Variants in PAK5 observed in about 807,000 individuals in gnomAD.
PAK5 encodes the protein p21 (RAC1) activated kinase 5, also known as serine/threonine-protein kinase PAK 5.
A neutral mutation model predicts 65.9 loss-of-function variants in PAK5; 16 were observed. That is an observed-to-expected ratio of 0.24 (90% confidence interval 0.16 to 0.37). The LOEUF is 0.37. Among genes scored for constraint, PAK5 ranks in the 10% least tolerant of loss-of-function variants. The pLI is 1.00. For synonymous variants in PAK5, 371 were observed against 354.9 expected, an observed-to-expected ratio of 1.05 and a Z score of -0.51; for missense variants, 785 against 903.9, an observed-to-expected ratio of 0.87 and a Z score of 1.69.
At chr20:9,762,187 T>C (rs923855566) in intron 1 of PAK5, among the ~76,000 whole-genome samples, 33 of 152,166 alleles carry the variant, frequency 2.2e-4, no homozygotes, top group Non-Finnish European at 5.9e-5. Context: ...AAAAAATTCT[T>C]TGACATTGGT....
At chr20:9,649,915 T>TA (rs925870672) in intron 2 of PAK5, among the ~76,000 whole-genome samples, 5 of 150,986 alleles carry the variant, frequency 3.3e-5, no homozygotes, top group African/African-American at 7.3e-5. Context: ...CTACAGGAGT[T>TA]AAAAAAAAAT....
At chr20:9,621,153 A>C (rs1386008110) in intron 3 of PAK5, among the ~76,000 whole-genome samples, 1 of 152,098 alleles carries the variant, frequency 6.6e-6, no homozygotes, top group East Asian at 1.9e-4. Context: ...TTGAAGGAGA[A>C]GATGGTCACT....
chr20:9,575,594 C>T (rs2045872232), intron 4 of PAK5: 1 of 152,128 alleles, frequency 6.6e-6, no homozygotes. Flanking sequence ...CCCATAGTTC[C>T]AGCTTTTACC....
At position 9,566,239 on chromosome 20, in the gene PAK5, T is replaced by C. The variant is rs2045677451; in HGVS notation, c.1136A>G (p.Lys379Arg). 3 of 1,613,650 alleles carry C rather than the reference T, an allele frequency of 1.9e-6. No homozygotes were observed. Among genetic ancestry groups the C allele is most frequent in the South Asian group, 1.1e-5 (1 of 91,060 alleles). The stretch of plus-strand genomic sequence containing the variant: ...GGAGGGGTGATGGTACAAGGTGGCT[T>C]TGTGGTACCCAGACGGGTACTGGTG... ...SSHQYPSGYH[K>R]ATLYHHPSLQ... The change falls in exon 5 of 10, where the codon AAA (lysine) becomes AGA (arginine). Residue 379 changes from lysine (K) to arginine (R), a missense_variant. Around this residue, in one of 4 missense-constraint regions of PAK5, gnomAD observed 422 missense variants for 413.3 expected, o/e 1.02. Coordinates refer to ENST00000353224, the MANE Select transcript of PAK5 (RefSeq NM_177990.4).
intron 3 of PAK5, among the ~76,000 whole-genome samples, chr20:9,640,758 C>T (rs979464532): frequency 1.3e-4 from 20 of 152,122 alleles, no homozygotes; most frequent in African/African-American, 3.1e-4. Context: ...CAGACCTTCA[C>T]GGTGAGTGTT....
chr20:9,733,643 C>T (rs192815175), intron 1 of PAK5, among the ~76,000 whole-genome samples: 223 of 152,208 alleles, frequency 1.5e-3, no homozygotes, highest in African/African-American at 3.9e-3. Flanking sequence ...CTGGGTTTCA[C>T]CATATTGGCC....
At chr20:9,716,334 C>T (rs1257455904) in intron 1 of PAK5, among the ~76,000 whole-genome samples, 1 of 152,136 alleles carries the variant, frequency 6.6e-6, no homozygotes, top group African/African-American at 2.4e-5. Context: ...TTCTTTTCTG[C>T]ATCTTTTGAT....
At chr20:9,668,962 C>A (rs1223706962) in intron 2 of PAK5, among the ~76,000 whole-genome samples, 1 of 152,192 alleles carries the variant, frequency 6.6e-6, no homozygotes, top group Middle Eastern at 3.2e-3. Context: ...TTCGAGAGAT[C>A]TTTTCCTTGG....
chr20:9,541,062 AT>A (rs1276008452), intron 9 of PAK5, among the ~76,000 whole-genome samples: 1 of 152,144 alleles, frequency 6.6e-6, no homozygotes, highest in Non-Finnish European at 1.5e-5. Flanking sequence ...ACTTAGTCCA[AT>A]CCAGTAAAAA....
At chr20:9,718,713 A>G (rs2048179636) in intron 1 of PAK5, among the ~76,000 whole-genome samples, 1 of 152,188 alleles carries the variant, frequency 6.6e-6, no homozygotes, top group African/African-American at 2.4e-5. Context: ...TGTCTTTACT[A>G]GGATAGAACC....
At chr20:9,641,662 C>CG (rs1555908543) in intron 3 of PAK5, among the ~76,000 whole-genome samples, 51 of 152,038 alleles carry the variant, frequency 3.4e-4, no homozygotes, top group East Asian at 5.9e-4. Flanking sequence ...CAGGGAGGCT[C>CG]GGCCGCACAG....
intron 1 of PAK5, among the ~76,000 whole-genome samples, chr20:9,765,756 C>T (rs2048749910): frequency 6.6e-6 from 1 of 152,070 alleles, no homozygotes; most frequent in African/African-American, 2.4e-5. Context: ...GGTTCTACTG[C>T]AAATAGGAAG....
At chr20:9,819,629 C>T (rs2049396591) in intron 1 of PAK5, among the ~76,000 whole-genome samples, 1 of 151,918 alleles carries the variant, frequency 6.6e-6, no homozygotes, top group Non-Finnish European at 1.5e-5. Flanking sequence ...CCTGATAATC[C>T]TTGCAGATCC....
Position 9,747,746 on chromosome 20 carries a change from A to T in PAK5, c.-161-36311T>A, listed in dbSNP as rs533347738. On this transcript the variant is annotated intron_variant, in intron 1 of 9. Transcript: ENST00000353224. ...CCAATATCATACTGAATGGGCAAAA[A>T]CTGGAAGCATTCCCTTTGAAAACTG... Among the ~76,000 whole-genome samples the T allele has an allele frequency of 1.5e-4, 23 of 151,760 alleles. No homozygotes were observed. The East Asian group carries it at 4.3e-3, about 28-fold the overall frequency.
chr20:9,701,928 A>G (rs936999930), intron 2 of PAK5, among the ~76,000 whole-genome samples: 5 of 152,050 alleles, frequency 3.3e-5, no homozygotes, highest in African/African-American at 1.2e-4. Flanking sequence ...TGAGCCCAGG[A>G]GCTTGAAGCT....
intron 1 of PAK5, among the ~76,000 whole-genome samples, chr20:9,774,833 G>T (rs1163137619): frequency 1.3e-5 from 2 of 152,064 alleles, no homozygotes; most frequent in African/African-American, 4.8e-5. Flanking sequence ...GTGGGCGCCT[G>T]TAGTCCCAGC....
chr20:9,808,316 C>G (rs2049257263), intron 1 of PAK5, among the ~76,000 whole-genome samples: 1 of 152,108 alleles, frequency 6.6e-6, no homozygotes, highest in South Asian at 2.1e-4. Flanking sequence ...TATCAACACC[C>G]AGGGAGTGGC....
intron 2 of PAK5, among the ~76,000 whole-genome samples, chr20:9,710,096 T>C (rs1209685940): frequency 6.6e-6 from 1 of 152,188 alleles, no homozygotes; most frequent in African/African-American, 2.4e-5. Context: ...GTTGAAGTTA[T>C]GCTTGACTAA....
chr20:9,814,564 T>C (rs528096425), intron 1 of PAK5, among the ~76,000 whole-genome samples: 4 of 152,316 alleles, frequency 2.6e-5, no homozygotes, highest in East Asian at 3.9e-4. Context: ...GAGTTTTTAG[T>C]TTACCTTGTA....
Sources: gnomAD v4.1 joint callset for allele counts (sites outside exome capture counted in the v4.1 genomes callset) on GRCh38, gnomAD v4.1.1 for gene constraint, gnomAD v4.1.1 regional missense constraint, MANE v1.5 for transcripts, NCBI Gene and HGNC (gene_info 2026-07-23, HGNC 2026-07-21) for gene names.